The following USP25 variants were observed in gnomAD, a reference collection of about 807,000 sequenced individuals.
USP25 encodes the protein ubiquitin specific peptidase 25.
USP25 carries 85 observed loss-of-function variants against 158.5 expected under a neutral mutation model. That is an observed-to-expected ratio of 0.54 (90% CI 0.45 to 0.64). The LOEUF is 0.64. Among genes scored for constraint, USP25 ranks in the 30% least tolerant of loss-of-function variants. The pLI is 0.00. For missense variants in USP25, 1,242 were observed against 1,327.3 expected, an observed-to-expected ratio of 0.94 and a Z score of 1.00; for synonymous variants, 464 against 460.4, an observed-to-expected ratio of 1.01 and a Z score of -0.10.
At chr21:15,748,454 GTTTTT>G (rs71331787) in intron 1 of USP25, among the ~76,000 whole-genome samples, 1 of 78,992 alleles carries the variant, frequency 1.3e-5, no homozygotes, top group Admixed American at 1.4e-4. Context: ...CTACTTTTTA[GTTTTT>G]TTTTTTTTTT....
intron 4 of USP25, among the ~76,000 whole-genome samples, chr21:15,788,142 T>C (rs1345503634): frequency 6.6e-6 from 1 of 152,012 alleles, no homozygotes; most frequent in Non-Finnish European, 1.5e-5. Context: ...TCAAACATTT[T>C]GTTATAGGCT....
At chr21:15,814,881 G>C (rs1438224000) in intron 9 of USP25, among the ~76,000 whole-genome samples, 1 of 152,140 alleles carries the variant, frequency 6.6e-6, no homozygotes, top group Non-Finnish European at 1.5e-5. Flanking sequence ...TTTGTGTTAA[G>C]TAACAAGGAG....
At chr21:15,803,663 CT>C (rs1230455868) in intron 6 of USP25, among the ~76,000 whole-genome samples, 1 of 151,784 alleles carries the variant, frequency 6.6e-6, no homozygotes, top group African/African-American at 2.4e-5. Context: ...AATTTTGTTA[CT>C]GGGAATGTCT....
intron 10 of USP25, among the ~76,000 whole-genome samples, chr21:15,823,414 A>G (rs1476059782): frequency 1.3e-5 from 2 of 152,116 alleles, no homozygotes; most frequent in Non-Finnish European, 2.9e-5. Flanking sequence ...TTTGGCTCAT[A>G]GCAATGAGAC....
intron 9 of USP25, among the ~76,000 whole-genome samples, chr21:15,817,828 G>A (rs2037023050): frequency 6.6e-6 from 1 of 152,096 alleles, no homozygotes; most frequent in Non-Finnish European, 1.5e-5. Context: ...CCACAATACA[G>A]GAGAATTATG....
At chr21:15,839,787 C>T (rs1339139396) in intron 17 of USP25, among the ~76,000 whole-genome samples, 4 of 152,148 alleles carry the variant, frequency 2.6e-5, no homozygotes, top group African/African-American at 9.7e-5. Context: ...TGTGTTTCAT[C>T]TACACCAGAT....
chr21:15,846,678 G>A (rs2038632541), intron 18 of USP25, among the ~76,000 whole-genome samples: 1 of 152,074 alleles, frequency 6.6e-6, no homozygotes, highest in Admixed American at 6.6e-5. Flanking sequence ...GTTTATCTTT[G>A]TGTATGAAAA....
intron 8 of USP25, 21 bp downstream of exon 8, chr21:15,808,906 G>A (rs1417846523): frequency 3.2e-6 from 5 of 1,574,814 alleles, no homozygotes; most frequent in Non-Finnish European, 4.3e-6. Flanking sequence ...GTGAAGTTTA[G>A]CAATGGGGTT....
intron 20 of USP25, among the ~76,000 whole-genome samples, chr21:15,850,395 T>G (rs1166472774): frequency 6.6e-6 from 1 of 152,066 alleles, no homozygotes; most frequent in Non-Finnish European, 1.5e-5. Flanking sequence ...TGTGAGAACA[T>G]CAAGCTGAAC....
At chr21:15,749,396 C>G (rs2032817694) in intron 1 of USP25, among the ~76,000 whole-genome samples, 1 of 152,114 alleles carries the variant, frequency 6.6e-6, no homozygotes, top group South Asian at 2.1e-4. Context: ...TTTCTGATTT[C>G]TTTGCAAGCT....
intron 4 of USP25, among the ~76,000 whole-genome samples, chr21:15,786,434 A>T (rs965250955): frequency 7.9e-5 from 12 of 152,142 alleles, no homozygotes; most frequent in Non-Finnish European, 1.5e-4. Context: ...ATCATCCACT[A>T]TGATCGAGAT....
chr21:15,879,444 C>G lies in USP25; in HGVS notation c.*969C>G, dbSNP rs2040213852. On this transcript the variant is annotated 3_prime_UTR_variant, in exon 26 of 26. Transcript: ENST00000400183. ...ATATCACTTTAATTGAAAATGTTCT[C>G]TACTAATTAATACTGTGAAACAAAA... is the stretch of plus-strand genomic sequence containing the variant. 1.3e-5 allele frequency: 2 copies of G among 152,334 alleles called. No individual in the cohort carries two copies. 9.4% of individuals were successfully genotyped at this position (152,334 alleles called of 1,614,324 possible).
intron 1 of USP25, among the ~76,000 whole-genome samples, chr21:15,731,505 T>C (rs1228967567): frequency 1.3e-5 from 2 of 152,216 alleles, no homozygotes; most frequent in Non-Finnish European, 2.9e-5. Context: ...GAATAAGACC[T>C]GTTCTAAAAT....
chr21:15,791,710 C>T lies in USP25; in HGVS notation c.555+46C>T, dbSNP rs1416075029. Reference sequence around the variant, plus strand: ...AGTTCTTATTTGATGTGTGTGATAGCAATGGAAAGTGAGTTGGTTGTGTTT... The same window carrying T: ...AGTTCTTATTTGATGTGTGTGATAGTAATGGAAAGTGAGTTGGTTGTGTTT... On this transcript the variant is annotated intron_variant, in intron 5 of 25. Coordinates refer to ENST00000400183, the MANE Select transcript of USP25 (RefSeq NM_001283041.3). 4.5e-6 allele frequency: 7 copies of T among 1,546,908 alleles called. No individual in the cohort carries two copies. In the East Asian group the frequency reaches 6.9e-5, roughly 15 times the overall value.
rs1168956985 is a variant in USP25 at position 15,811,222 on chromosome 21, C to A, written c.931+12C>A. ...GGGAGTACTTGAAGGTAGAGTTATA[C>A]ATTTACTTTTTATTGCAAGTGAAGA... On this transcript the variant is annotated intron_variant, in intron 9 of 25. Coordinates refer to ENST00000400183, the MANE Select transcript of USP25 (RefSeq NM_001283041.3). 1 of 1,600,844 alleles carries A rather than the reference C, an allele frequency of 6.2e-7. No individual in the cohort carries two copies. The highest frequency in any genetic ancestry group is 1.7e-5 in the Admixed American group (1 of 57,588).
In USP25 at chr21:15,851,141, C is replaced by T. The variant is rs556577332; in HGVS notation, c.2547+1269C>T. Reference sequence around the variant, plus strand: ...TAAAAAAAAAACACTGAATATATGTCCTCTAAAGTATTTATTTCTTGTGGA... The same window carrying T: ...TAAAAAAAAAACACTGAATATATGTTCTCTAAAGTATTTATTTCTTGTGGA... On this transcript the variant is annotated intron_variant, in intron 20 of 25. Coordinates refer to ENST00000400183, the MANE Select transcript of USP25 (RefSeq NM_001283041.3). Among the ~76,000 whole-genome samples, 59 of 151,404 alleles carry T rather than the reference C, an allele frequency of 3.9e-4. 1 individual carries two copies. The South Asian group carries it at 8.3e-3, about 21-fold the overall frequency.
chr21:15,809,500 C>T (rs536375564), intron 8 of USP25, among the ~76,000 whole-genome samples: 10 of 151,998 alleles, frequency 6.6e-5, no homozygotes, highest in South Asian at 4.2e-4. Flanking sequence ...AAGAAAATAA[C>T]GAGGGTTGGC....
chr21:15,788,670 G>C (rs1379305989), intron 4 of USP25, among the ~76,000 whole-genome samples: 1 of 151,894 alleles, frequency 6.6e-6, no homozygotes, highest in Non-Finnish European at 1.5e-5. Flanking sequence ...AAATTAAGAG[G>C]GTCAGGAAAT....
At chr21:15,783,673 A>T (rs2035097874) in intron 4 of USP25, among the ~76,000 whole-genome samples, 1 of 152,018 alleles carries the variant, frequency 6.6e-6, no homozygotes, top group Non-Finnish European at 1.5e-5. Flanking sequence ...AATGAAAAAG[A>T]AGGGCCGGGC....
Sources: allele counts gnomAD v4.1 joint callset (sites outside exome capture counted in the v4.1 genomes callset), GRCh38; gene constraint gnomAD v4.1.1; transcripts MANE v1.5; gene names NCBI Gene and HGNC (gene_info 2026-07-23, HGNC 2026-07-21).